The following AP1S2 variants were observed in gnomAD, a reference collection of about 807,000 sequenced individuals.
AP1S2 encodes adaptor related protein complex 1 subunit sigma 2.
Under a neutral mutation model 14.3 loss-of-function variants are expected in AP1S2, and 1 was observed. The observed-to-expected ratio is 0.07, with a 90% CI of 0.02 to 0.33. AP1S2 has a LOEUF of 0.33. Among genes scored for constraint, AP1S2 ranks in the 10% least tolerant of loss-of-function variants. AP1S2 has a pLI of 0.99. For missense variants in AP1S2, 30 were observed against 117.7 expected, an observed-to-expected ratio of 0.25 and a Z score of 3.45; for synonymous variants, 30 against 40.5, an observed-to-expected ratio of 0.74 and a Z score of 0.99.
chrX:15,836,395 C>T (rs1359782923), intron 4 of AP1S2, among the ~76,000 whole-genome samples: 1 of 112,028 alleles, frequency 8.9e-6, no homozygotes, highest in African/African-American at 3.2e-5. Context: ...CTGTGAATTA[C>T]ATATTCATGT....
At chrX:15,833,218 G>GT (rs1425969300) in intron 4 of AP1S2, 1 of 752,444 alleles carries the variant, frequency 1.3e-6, no homozygotes, top group African/African-American at 2.3e-5. Flanking sequence ...AGAAGAGGTG[G>GT]TTTCCCAAAC....
chrX:15,852,638 A>G, intron 1 of AP1S2, 114 bp from the exon 2 acceptor site: 1 of 722,428 alleles, frequency 1.4e-6, no homozygotes, highest in Non-Finnish European at 2.0e-6. Context: ...ACAAATGATT[A>G]GTAGCCATCA....
chrX:15,841,129 A>C (rs1028301171), intron 4 of AP1S2, among the ~76,000 whole-genome samples: 7 of 112,481 alleles, frequency 6.2e-5, no homozygotes, highest in Admixed American at 2.8e-4. Flanking sequence ...ATATGCTAAC[A>C]GAAAATCTGT....
rs1934200757 is a variant in AP1S2, at chrX:15,852,200, T to G, written c.179+146A>C. ...AATTATCAATCAAAACACTAGTTAT[T>G]TTAAAAACACAAAGCTTTACCTTAA... On this transcript the variant is annotated intron_variant, in intron 2 of 5. Transcript: ENST00000672987. 5 of 561,239 alleles carry G rather than the reference T, an allele frequency of 8.9e-6. No homozygotes were observed. The South Asian group carries it at 1.4e-4, about 15-fold the overall frequency. 46.3% of individuals were successfully genotyped at this position (561,239 alleles called of 1,213,427 possible).
chrX:15,853,384 G>T (rs901205567), intron 1 of AP1S2, among the ~76,000 whole-genome samples: 3 of 112,624 alleles, frequency 2.7e-5, no homozygotes, highest in Non-Finnish European at 5.6e-5. Flanking sequence ...GTGTTGATTA[G>T]TCTGCATGTT....
At chrX:15,844,431 A>G (rs7881484) in intron 4 of AP1S2, among the ~76,000 whole-genome samples, 2,020 of 112,775 alleles carry the variant, frequency 0.018, 38 homozygotes, top group African/African-American at 0.061. Flanking sequence ...CTTCTGGAAA[A>G]TGAACCAGTG....
At chrX:15,832,923 G>T in intron 4 of AP1S2, 1 of 1,065,088 alleles carries the variant, frequency 9.4e-7, no homozygotes, top group Non-Finnish European at 1.2e-6. Context: ...ACTACATTTT[G>T]ATGCATGTCA....
chrX:15,840,785 A>T (rs1933806735), intron 4 of AP1S2, among the ~76,000 whole-genome samples: 1 of 112,263 alleles, frequency 8.9e-6, no homozygotes, highest in South Asian at 3.6e-4. Context: ...TATTGCAAAG[A>T]ATATCAATTT....
intron 4 of AP1S2, chrX:15,840,640 GA>G (rs1275654438): frequency 4.1e-6 from 3 of 739,532 alleles, no homozygotes; most frequent in Non-Finnish European, 5.6e-6. Flanking sequence ...TGACTTTACA[GA>G]AAAAAAGCCA....
At chrX:15,854,609 G>C in intron 1 of AP1S2, 79 bp downstream of exon 1, 2 of 428,284 alleles carry the variant, frequency 4.7e-6, no homozygotes, top group Non-Finnish European at 5.9e-6. Flanking sequence ...GGGCGCGCGC[G>C]GGGTGGCGGG....
intron 4 of AP1S2, among the ~76,000 whole-genome samples, chrX:15,836,770 G>C (rs1204878612): frequency 9.0e-6 from 1 of 111,195 alleles, no homozygotes; most frequent in African/African-American, 3.3e-5. Flanking sequence ...TGTAATCCCA[G>C]CTACTCGGGA....
Sources: allele counts gnomAD v4.1 joint callset (sites outside exome capture counted in the v4.1 genomes callset), GRCh38; gene constraint gnomAD v4.1.1; transcripts MANE v1.5; gene names NCBI Gene and HGNC (gene_info 2026-07-23, HGNC 2026-07-21).